UHRF1: variants seen among roughly 807,000 people sequenced by gnomAD.
The protein encoded by UHRF1 is ubiquitin like with PHD and ring finger domains 1.
A neutral mutation model predicts 96.5 loss-of-function variants in UHRF1; 9 were observed. The ratio of observed to expected loss-of-function variants is 0.09; its 90% CI spans 0.06 to 0.16. The LOEUF is 0.16. Among genes scored for constraint, UHRF1 ranks in the 10% least tolerant of loss-of-function variants. The probability of loss-of-function intolerance (pLI) is 1.00; values close to 1 mark genes in which losing one functional copy is unlikely to be tolerated. For synonymous variants in UHRF1, 455 were observed against 469.9 expected (o/e 0.97, Z 0.41); for missense variants, 626 against 1,131.1 (o/e 0.55, Z 6.40).
At chr19:4,913,400 C>T (rs1395269913) in intron 2 of UHRF1, among the ~76,000 whole-genome samples, 1 of 151,410 alleles carries the variant, frequency 6.6e-6, no homozygotes, top group Non-Finnish European at 1.5e-5. Context: ...ATTACAGTCA[C>T]CCACCACCAC....
At chr19:4,925,671 G>A (rs1247224962) in intron 2 of UHRF1, among the ~76,000 whole-genome samples, 6 of 151,964 alleles carry the variant, frequency 3.9e-5, no homozygotes, top group African/African-American at 7.2e-5. Flanking sequence ...ACAGGCACCC[G>A]CCACCACGCC....
chr19:4,911,122 C>T (rs1158931424), intron 2 of UHRF1, 84 bp downstream of exon 2: 55 of 1,309,886 alleles, frequency 4.2e-5, no homozygotes, highest in South Asian at 1.4e-4. Flanking sequence ...TTCTCCCTCC[C>T]ACCTCCCCCC....
chr19:4,938,967 G>A (rs2033302372), intron 5 of UHRF1, among the ~76,000 whole-genome samples: 1 of 151,482 alleles, frequency 6.6e-6, no homozygotes, highest in Non-Finnish European at 1.5e-5. Context: ...ATGGTGGAGT[G>A]CAGTGGCACG....
chr19:4,925,090 G>A (rs1000947636), intron 2 of UHRF1, among the ~76,000 whole-genome samples: 2 of 152,142 alleles, frequency 1.3e-5, no homozygotes, highest in African/African-American at 4.8e-5. Flanking sequence ...GCCTCCCAGA[G>A]TGTTGAGATG....
chr19:4,942,029 C>T (rs929185401), intron 7 of UHRF1, 98 bp downstream of exon 7: 33 of 1,284,832 alleles, frequency 2.6e-5, no homozygotes, highest in Admixed American at 7.1e-5. Context: ...GGCGCGGGGG[C>T]TCACGCCTGC....
intron 11 of UHRF1, among the ~76,000 whole-genome samples, chr19:4,947,919 G>A (rs2033616832): frequency 6.6e-6 from 1 of 151,624 alleles, no homozygotes; most frequent in African/African-American, 2.4e-5. Context: ...GCAAGGTAGT[G>A]AGACAACCCA....
chr19:4,948,479 T>A (rs1365469120), intron 11 of UHRF1, among the ~76,000 whole-genome samples: 2 of 152,164 alleles, frequency 1.3e-5, no homozygotes, highest in Non-Finnish European at 2.9e-5. Context: ...CTTTATCATA[T>A]AAAGAGCTGT....
chr19:4,922,531 G>A (rs1003309018), intron 2 of UHRF1, among the ~76,000 whole-genome samples: 1 of 152,160 alleles, frequency 6.6e-6, no homozygotes, highest in Admixed American at 6.5e-5. Context: ...GCCTCCCCAA[G>A]TGCTGGGATT....
At chr19:4,950,485 C>T in intron 11 of UHRF1, 126 bp from the exon 12 acceptor site, 1 of 997,966 alleles carries the variant, frequency 1.0e-6, no homozygotes, top group Non-Finnish European at 1.4e-6. Flanking sequence ...TTCAGGCGAT[C>T]TGCCTACTTC....
At chr19:4,947,305 A>C in intron 11 of UHRF1, 94 bp downstream of exon 11, 6 of 1,139,146 alleles carry the variant, frequency 5.3e-6, no homozygotes, top group African/African-American at 1.5e-5. Context: ...TGATAGTCTC[A>C]TTAGGAGCGT....
At chr19:4,916,645 C>T (rs577755730) in intron 2 of UHRF1, among the ~76,000 whole-genome samples, 45 of 152,042 alleles carry the variant, frequency 3.0e-4, no homozygotes, top group Non-Finnish European at 5.7e-4. Context: ...TCCACGCCAC[C>T]GCCGCCCCCT....
chr19:4,921,845 A>G (rs2032714085), intron 2 of UHRF1, among the ~76,000 whole-genome samples: 2 of 152,214 alleles, frequency 1.3e-5, no homozygotes, highest in Admixed American at 1.3e-4. Context: ...TGGAATCTGA[A>G]CCCAGCAAGA....
chr19:4,929,885 C>T (rs1421327443), intron 3 of UHRF1, among the ~76,000 whole-genome samples: 5 of 152,166 alleles, frequency 3.3e-5, no homozygotes, highest in South Asian at 2.1e-4. Context: ...ACTGTAGCCT[C>T]GAACTCCTGG....
At chr19:4,921,227 G>A (rs1025082373) in intron 2 of UHRF1, among the ~76,000 whole-genome samples, 14 of 152,200 alleles carry the variant, frequency 9.2e-5, no homozygotes, top group Admixed American at 5.9e-4. Context: ...ATCAACTGAG[G>A]TGGGGATTTC....
chr19:4,946,827 CA>C (rs1421299221), intron 10 of UHRF1, among the ~76,000 whole-genome samples: 1 of 152,270 alleles, frequency 6.6e-6, no homozygotes, highest in Non-Finnish European at 1.5e-5. Context: ...CCTCCCGCTG[CA>C]GCCTCCCAAA....
intron 2 of UHRF1, among the ~76,000 whole-genome samples, chr19:4,918,284 T>G (rs1424408796): frequency 2.0e-5 from 3 of 151,866 alleles, no homozygotes; most frequent in Non-Finnish European, 2.9e-5. Context: ...CACGTCCGGC[T>G]AATTTTTTTG....
rs1568428019 is a variant in UHRF1, at chr19:4,947,519, T to TTTTG, written c.1517+308_1517+309insTTTG. On this transcript the variant is annotated intron_variant, in intron 11 of 16. Coordinates refer to ENST00000650932, the MANE Select transcript of UHRF1 (RefSeq NM_001048201.3). ...TTTTTTTTTTTTTTTTTTTTTTTTT[T>TTTTG]GGGCAGAGTCTCGCTCTGTTGCCCA... Among the ~76,000 whole-genome samples, 23 of 132,124 alleles carry TTTTG rather than the reference T, an allele frequency of 1.7e-4. 2 individuals are homozygous for TTTTG. In the South Asian group the frequency reaches 5.7e-3, roughly 33 times the overall value. 86.7% of individuals were successfully genotyped at this position (132,124 alleles called of 152,430 possible).
At chr19:4,907,416 C>T (rs1181980599), upstream of UHRF1, among the ~76,000 whole-genome samples, 1 of 151,490 alleles carries the variant, frequency 6.6e-6, no homozygotes, top group African/African-American at 2.4e-5. Flanking sequence ...TTACAGGCGC[C>T]GGCCACCACA....
chr19:4,924,014 T>A (rs1190192669), intron 2 of UHRF1, among the ~76,000 whole-genome samples: 1 of 152,236 alleles, frequency 6.6e-6, no homozygotes, highest in African/African-American at 2.4e-5. Context: ...TCACCCACGC[T>A]GGAGTGCAGT....
Sources: allele counts gnomAD v4.1 joint callset (sites outside exome capture counted in the v4.1 genomes callset), GRCh38; gene constraint gnomAD v4.1.1; transcripts MANE v1.5; gene names NCBI Gene and HGNC (gene_info 2026-07-23, HGNC 2026-07-21).